Variants in CHEK2 observed in about 807,000 individuals in gnomAD.
The protein encoded by CHEK2 is checkpoint kinase 2, also known as serine/threonine-protein kinase Chk2.
CHEK2 carries 71 observed loss-of-function variants against 69.1 expected under a neutral mutation model. The observed-to-expected ratio is 1.03, with a 90% CI of 0.85 to 1.25. The LOEUF (loss-of-function observed/expected upper bound fraction) is 1.25. Ranked by LOEUF, CHEK2 falls within the 50% of genes most tolerant of loss-of-function variation. The probability of loss-of-function intolerance (pLI) is 0.00; values close to 1 mark genes in which losing one functional copy is unlikely to be tolerated. For missense variants in CHEK2, 664 were observed against 649.6 expected, an observed-to-expected ratio of 1.02 and a Z score of -0.24; for synonymous variants, 189 against 226.9, an observed-to-expected ratio of 0.83 and a Z score of 1.50.
chr22:28,730,457 T>G (rs755305843), intron 2 of CHEK2: 2 of 697,410 alleles, frequency 2.9e-6, no homozygotes, highest in Middle Eastern at 2.3e-4. Flanking sequence ...GCCTCACACC[T>G]CTTATCCCAG....
At chr22:28,732,170 G>A (rs1372598489) in intron 2 of CHEK2, among the ~76,000 whole-genome samples, 1 of 151,520 alleles carries the variant, frequency 6.6e-6, no homozygotes, top group Non-Finnish European at 1.5e-5. Flanking sequence ...GGAGTGCAAT[G>A]GCGAGATCTC....
intron 5 of CHEK2, among the ~76,000 whole-genome samples, chr22:28,713,586 G>A (rs554512462): frequency 3.9e-5 from 6 of 152,244 alleles, no homozygotes; most frequent in Middle Eastern, 3.4e-3. Context: ...TTGATCTCCT[G>A]ACCTCGTGAT....
chr22:28,694,715 T>C (rs1312450677), intron 12 of CHEK2, among the ~76,000 whole-genome samples: 1 of 152,226 alleles, frequency 6.6e-6, no homozygotes, highest in Non-Finnish European at 1.5e-5. Flanking sequence ...AGGTAACTAA[T>C]GACATCTAGT....
At chr22:28,696,401 T>G (rs2052586931) in intron 10 of CHEK2, among the ~76,000 whole-genome samples, 1 of 152,218 alleles carries the variant, frequency 6.6e-6, no homozygotes, top group South Asian at 2.1e-4. Flanking sequence ...TGAGATGATG[T>G]CTGGCCCTTT....
At chr22:28,729,771 T>C (rs1205536343) in intron 2 of CHEK2, among the ~76,000 whole-genome samples, 5 of 152,116 alleles carry the variant, frequency 3.3e-5, no homozygotes, top group Non-Finnish European at 7.3e-5. Flanking sequence ...TTATTATCTA[T>C]TTATTTTTAA....
chr22:28,712,370 C>T (rs2053436268), intron 5 of CHEK2: 1 of 305,328 alleles, frequency 3.3e-6, no homozygotes, highest in Non-Finnish European at 6.1e-6. Context: ...CCTCCCTGGT[C>T]AAAAATAAGT....
chr22:28,723,704 G>A (rs1304050204), intron 4 of CHEK2, among the ~76,000 whole-genome samples: 1 of 152,032 alleles, frequency 6.6e-6, no homozygotes, highest in Admixed American at 6.6e-5. Context: ...AGCACTTTGG[G>A]AGGCCAAGGC....
chr22:28,720,277 G>A (rs1027290028), intron 4 of CHEK2, among the ~76,000 whole-genome samples: 1 of 151,188 alleles, frequency 6.6e-6, no homozygotes, highest in Non-Finnish European at 1.5e-5. Context: ...TTTTAGTAGA[G>A]ACGGGATTTT....
At chr22:28,690,612 A>G (rs1333691597) in intron 13 of CHEK2, among the ~76,000 whole-genome samples, 1 of 149,568 alleles carries the variant, frequency 6.7e-6, no homozygotes, top group Non-Finnish European at 1.5e-5. Context: ...TGGGCAAAAG[A>G]GTACAACACT....
chr22:28,708,360 A>ATGTGTGTGT (rs1569135152), intron 7 of CHEK2, among the ~76,000 whole-genome samples: 1 of 51,626 alleles, frequency 1.9e-5, no homozygotes, highest in Non-Finnish European at 5.9e-5. Flanking sequence ...TGTCTCTAAA[A>ATGTGTGTGT]ATATGTGTGT....
chr22:28,695,689 A>C (rs1199949280), intron 11 of CHEK2, 21 bp downstream of exon 11: 1 of 1,610,096 alleles, frequency 6.2e-7, no homozygotes, highest in Non-Finnish European at 8.5e-7. Context: ...CAGTCTGTGC[A>C]GCAATGAAAA....
Position 28,725,094 on chromosome 22 carries a change from A to G in CHEK2, c.475T>C (p.Tyr159His), listed in dbSNP as rs781254437. Residue 159 changes from tyrosine to histidine, a missense_variant, in exon 4 of 15, where the codon TAC (tyrosine) becomes CAC (histidine). By Grantham distance (83) the Tyr-to-His change is moderately conservative (BLOSUM62 2). Transcript: ENST00000404276. ...EVGPKNSYIA[Y>H]IEDHSGNGTF... is the part of the protein sequence containing the mutation. The stretch of plus-strand genomic sequence containing the variant: ...CCATTGCCACTGTGATCTTCTATGT[A>G]TGCAATGTAAGAGTTTTTAGGACCC... 14 of 1,613,992 alleles carry G rather than the reference A, an allele frequency of 8.7e-6. No individual in the cohort carries two copies. The highest frequency in any genetic ancestry group is 1.6e-4 in the Middle Eastern group (1 of 6,084).
intron 2 of CHEK2, among the ~76,000 whole-genome samples, chr22:28,727,143 G>A (rs369357004): frequency 1.6e-4 from 24 of 152,270 alleles, no homozygotes; most frequent in African/African-American, 5.8e-4. Context: ...CCAGGTTCAA[G>A]CGATTCTCCT....
intron 5 of CHEK2, among the ~76,000 whole-genome samples, chr22:28,715,128 G>C (rs2053545103): frequency 6.6e-6 from 1 of 152,198 alleles, no homozygotes; most frequent in African/African-American, 2.4e-5. Context: ...GACATTGGGA[G>C]ACAGACTTCT....
chr22:28,724,343 A>G (rs954336455), intron 4 of CHEK2, among the ~76,000 whole-genome samples: 1 of 151,930 alleles, frequency 6.6e-6, no homozygotes, highest in Admixed American at 6.6e-5. Flanking sequence ...TGGGAGGCAG[A>G]GGTTGCGGTG....
At chr22:28,704,661 A>T (rs1178262793) in intron 7 of CHEK2, among the ~76,000 whole-genome samples, 1 of 152,132 alleles carries the variant, frequency 6.6e-6, no homozygotes, top group East Asian at 1.9e-4. Context: ...ACGATACAGA[A>T]GTCAGAAGAC....
chr22:28,734,715 G>A lies in CHEK2; in HGVS notation c.7C>T (p.Arg3Trp), dbSNP rs199708878. Reference sequence around the variant, plus strand: ...TGCTGAGCCTCAACATCCGACTCCCGAGACATCACGACCTCAAAAAGAAAG... The same window carrying A: ...TGCTGAGCCTCAACATCCGACTCCCAAGACATCACGACCTCAAAAAGAAAG... MSRESDVEAQQSH... is the reference protein window; with the variant it reads MSWESDVEAQQSH... Residue 3 changes from arginine (R) to tryptophan (W), a missense_variant, in exon 2 of 15, where the codon CGG becomes TGG. Coordinates refer to ENST00000404276, the MANE Select transcript of CHEK2 (RefSeq NM_007194.4). 219 of 1,612,918 alleles carry A rather than the reference G, an allele frequency of 1.4e-4. No individual in the cohort carries two copies. Among genetic ancestry groups the A allele is most frequent in the South Asian group, 2.7e-4 (25 of 91,014 alleles).
At chr22:28,714,438 C>T (rs778231140) in intron 5 of CHEK2, among the ~76,000 whole-genome samples, 7 of 152,230 alleles carry the variant, frequency 4.6e-5, no homozygotes, top group Non-Finnish European at 8.8e-5. Context: ...CTCACTCTGT[C>T]GCCCAGGCTG....
At chr22:28,723,812 G>A (rs1569155683) in intron 4 of CHEK2, among the ~76,000 whole-genome samples, 2 of 151,820 alleles carry the variant, frequency 1.3e-5, no homozygotes, top group South Asian at 2.1e-4. Context: ...AGCCAGGCGT[G>A]GTGGCATGTG....
Sources: allele counts gnomAD v4.1 joint callset (sites outside exome capture counted in the v4.1 genomes callset), GRCh38; gene constraint gnomAD v4.1.1; transcripts MANE v1.5; gene names NCBI Gene and HGNC (gene_info 2026-07-23, HGNC 2026-07-21).